C1orf94: variants seen among roughly 807,000 people sequenced by gnomAD.
The protein encoded by C1orf94 is chromosome 1 open reading frame 94, also known as uncharacterized protein C1orf94.
Under a neutral mutation model 53.6 loss-of-function variants are expected in C1orf94, and 45 were observed. The observed-to-expected ratio is 0.84, with a 90% confidence interval of 0.66 to 1.08. The LOEUF is 1.08. Among genes scored for constraint, C1orf94 ranks in the 50% least tolerant of loss-of-function variants. C1orf94 has a pLI of 0.00. For synonymous variants in C1orf94, 304 were observed against 296.1 expected (o/e 1.03, Z -0.27); for missense variants, 762 against 738.9 (o/e 1.03, Z -0.36).
intron 6 of C1orf94, among the ~76,000 whole-genome samples, chr1:34,212,708 A>G (rs1470488227): frequency 6.6e-6 from 1 of 152,184 alleles, no homozygotes; most frequent in Non-Finnish European, 1.5e-5. Flanking sequence ...AGTTGGTGCA[A>G]CGATGCATTT....
At chr1:34,185,664 C>T (rs984029138) in intron 1 of C1orf94, among the ~76,000 whole-genome samples, 6 of 152,212 alleles carry the variant, frequency 3.9e-5, no homozygotes, top group Admixed American at 2.0e-4. Flanking sequence ...CCTCCCTGCT[C>T]GTCTCTCCTC....
Position 34,197,319 on chromosome 1 carries a change from G to A in C1orf94, c.415G>A (p.Glu139Lys), listed in dbSNP as rs2148617601. ...LTKEHSILVE[E>K]SSGELEVPGS... ...CAAAGAGCACTCGATCCTGGTCGAA[G>A]AGAGTTCTGGGGAGCTGGAGGTACC... The change falls in exon 2 of 7, where the codon GAG becomes AAG. Residue 139 changes from glutamate to lysine, a missense_variant. Coordinates refer to ENST00000488417, the MANE Select transcript of C1orf94 (RefSeq NM_001134734.2). The surrounding 1 kb of genome is among the most constrained non-coding windows in gnomAD (Gnocchi z 4.1). 6.4e-7 allele frequency: 1 copy of A among 1,570,830 alleles called. No homozygotes were observed. Among genetic ancestry groups the A allele is most frequent in the South Asian group, 1.2e-5 (1 of 86,612 alleles).
intron 1 of C1orf94, among the ~76,000 whole-genome samples, chr1:34,178,672 C>A (rs1444954363): frequency 1.3e-5 from 2 of 152,206 alleles, no homozygotes; most frequent in Admixed American, 6.5e-5. Context: ...CTGTAAATAG[C>A]CCGTTTCCGG....
At chr1:34,209,961 A>G (rs1642864236) in intron 5 of C1orf94, among the ~76,000 whole-genome samples, 1 of 152,238 alleles carries the variant, frequency 6.6e-6, no homozygotes, top group Non-Finnish European at 1.5e-5. Context: ...GGTTTTTTAC[A>G]TATTTTCCCG....
chr1:34,218,768 T>C lies in C1orf94; in HGVS notation c.*7T>C, dbSNP rs367988719. The stretch of plus-strand genomic sequence containing the variant: ...GAATGGCATAAACTTTTAGATCTCC[T>C]CTTCTCCCTTCTCCTCCCTTAGCCC... On this transcript the variant is annotated 3_prime_UTR_variant, in exon 7 of 7. Coordinates refer to ENST00000488417, the MANE Select transcript of C1orf94 (RefSeq NM_001134734.2). 3 of 1,610,054 alleles carry C rather than the reference T, an allele frequency of 1.9e-6. No homozygotes were observed. The highest frequency in any genetic ancestry group is 2.7e-5 in the African/African-American group (2 of 74,840).
rs141320902 is a variant in C1orf94, at chr1:34,210,594, C to T, written c.1525-1616C>T. ...CTCACAGGGCTTTCTGGAGTTTTAA[C>T]GACAGCATCCATGTGAAGGGCCGGG... On this transcript the variant is annotated intron_variant, in intron 5 of 6. Transcript: ENST00000488417. Among the ~76,000 whole-genome samples, 800 of 152,088 alleles carry T rather than the reference C, an allele frequency of 5.3e-3. 5 individuals are homozygous for T. Among genetic ancestry groups the T allele is most frequent in the African/African-American group, 0.018 (758 of 41,480 alleles).
Position 34,182,174 on chromosome 1 carries a change from G to A in C1orf94, c.320+4065G>A, listed in dbSNP as rs1334135224. ...TGCACTACTGCACTCCAGCCTGGGCGACAGAGTGAGACCCTGTCTCAAAAC... is the reference window on the plus strand; with the variant it reads ...TGCACTACTGCACTCCAGCCTGGGCAACAGAGTGAGACCCTGTCTCAAAAC... On this transcript the variant is annotated intron_variant, in intron 1 of 6. Coordinates refer to ENST00000488417, the MANE Select transcript of C1orf94 (RefSeq NM_001134734.2). 4.6e-5 allele frequency among the ~76,000 whole-genome samples: 7 copies of A among 152,148 alleles called. No individual in the cohort carries two copies. In the South Asian group the frequency reaches 6.2e-4, roughly 14 times the overall value.
chr1:34,214,937 G>C (rs1642958018), intron 6 of C1orf94, among the ~76,000 whole-genome samples: 3 of 152,156 alleles, frequency 2.0e-5, no homozygotes, highest in Non-Finnish European at 2.9e-5. Context: ...GGGATGATCT[G>C]TTCATTCAAA....
At chr1:34,195,809 T>TGC (rs373490551) in intron 1 of C1orf94, among the ~76,000 whole-genome samples, 2 of 150,372 alleles carry the variant, frequency 1.3e-5, no homozygotes, top group African/African-American at 4.9e-5. Context: ...TGTGTGTGTG[T>TGC]GCGTTTGTAC....
chr1:34,209,096 G>T (rs999302523), intron 5 of C1orf94, among the ~76,000 whole-genome samples: 2 of 152,112 alleles, frequency 1.3e-5, no homozygotes, highest in African/African-American at 2.4e-5. Context: ...GTAACTGGGT[G>T]TCCTGTATTT....
At chr1:34,206,064 T>C (rs1011382716) in intron 4 of C1orf94, among the ~76,000 whole-genome samples, 1 of 152,198 alleles carries the variant, frequency 6.6e-6, no homozygotes, top group South Asian at 2.1e-4. Flanking sequence ...CTCCTGAGAA[T>C]CCGCCCTGGG....
Position 34,208,226 on chromosome 1 carries a change from T to A in C1orf94, c.1516T>A (p.Ser506Thr). The change falls in exon 5 of 7, where the codon TCC becomes ACC. Residue 506 changes from serine to threonine, a missense_variant. By Grantham distance (58) the Ser-to-Thr change is moderately conservative. Transcript: ENST00000488417. The part of the protein sequence containing the change: ...QALHPQLGCY[S>T]QQVMPYNPQQ... ...TTTGCACCCGCAGCTGGGATGTTACTCCCAACAGGTGAGTAGACGATCTCT... is the reference window on the plus strand; with the variant it reads ...TTTGCACCCGCAGCTGGGATGTTACACCCAACAGGTGAGTAGACGATCTCT... 1 of 1,613,780 alleles carries A rather than the reference T, an allele frequency of 6.2e-7. No individual in the cohort carries two copies. Among genetic ancestry groups the A allele is most frequent in the East Asian group, 2.2e-5 (1 of 44,864 alleles).
intron 1 of C1orf94, among the ~76,000 whole-genome samples, chr1:34,171,017 C>T (rs115458454): frequency 0.02 from 3,025 of 152,280 alleles, 33 homozygotes; most frequent in Non-Finnish European, 0.03. Flanking sequence ...GCATCTTCCT[C>T]TCTGCCACCA....
chr1:34,177,710 C>T lies in C1orf94; in HGVS notation c.-80C>T, dbSNP rs1273191535. On this transcript the variant is annotated 5_prime_UTR_variant, in exon 1 of 7. Coordinates refer to ENST00000488417, the MANE Select transcript of C1orf94 (RefSeq NM_001134734.2). ...CCACACAAATAGAAGGCCTCTGAACCTAACCACCTTGCTGGAGCGAAAGCC... is the reference window on the plus strand; with the variant it reads ...CCACACAAATAGAAGGCCTCTGAACTTAACCACCTTGCTGGAGCGAAAGCC... 7 of 1,359,596 alleles carry T rather than the reference C, an allele frequency of 5.1e-6. No individual in the cohort carries two copies. In the East Asian group the frequency reaches 1.8e-4, roughly 34 times the overall value. The allele number at this position is 1,359,596 out of a possible 1,614,324, so 84.2% of individuals were successfully genotyped here.
At chr1:34,170,758 C>T (rs1385136507) in intron 1 of C1orf94, among the ~76,000 whole-genome samples, 2 of 149,082 alleles carry the variant, frequency 1.3e-5, no homozygotes, top group Admixed American at 6.6e-5. Context: ...TTCTCCACCC[C>T]AGCCTGCCTC....
At chr1:34,218,185 TG>T (rs1370324515) in intron 6 of C1orf94, among the ~76,000 whole-genome samples, 1 of 152,088 alleles carries the variant, frequency 6.6e-6, no homozygotes, top group Non-Finnish European at 1.5e-5. Flanking sequence ...GAGTCAGGGA[TG>T]GAGTGAAGGG....
At position 34,169,638 on chromosome 1, in the gene C1orf94, A is replaced by C. The variant is rs1054766229; in HGVS notation, c.-251+2467A>C. Reference sequence around the variant, plus strand: ...GAGAGAGAGAGAGAGAGAGAGAGTGAGCAAATGGGAGATTCTAGCAATGCG... The same window carrying C: ...GAGAGAGAGAGAGAGAGAGAGAGTGCGCAAATGGGAGATTCTAGCAATGCG... On this transcript the variant is annotated intron_variant, in intron 1 of 6. Coordinates refer to the C1orf94 transcript ENST00000373374. Among the ~76,000 whole-genome samples the C allele has an allele frequency of 2.7e-5, 4 of 148,454 alleles. No homozygotes were observed. In the South Asian group the frequency reaches 6.5e-4, roughly 24 times the overall value.
At chr1:34,200,503 T>C (rs1275963320) in intron 2 of C1orf94, among the ~76,000 whole-genome samples, 1 of 151,720 alleles carries the variant, frequency 6.6e-6, no homozygotes, top group African/African-American at 2.4e-5. Context: ...AGTAGACGGA[T>C]AGAAGGAAGA....
In C1orf94 at chr1:34,218,671, C is replaced by T; in HGVS notation, c.1722-15C>T. 6.2e-7 allele frequency: 1 copy of T among 1,609,450 alleles called. No individual in the cohort carries two copies. The highest frequency in any genetic ancestry group is 8.5e-7 in the Non-Finnish European group (1 of 1,176,672). Reference sequence around the variant, plus strand: ...TAGGAATCTCATCATGGCATCCACCCTCCCTCTCTTCCAGGTTCGGCTCGA... The same window carrying T: ...TAGGAATCTCATCATGGCATCCACCTTCCCTCTCTTCCAGGTTCGGCTCGA... On this transcript the variant is annotated splice_polypyrimidine_tract_variant and intron_variant, in intron 6 of 6. Transcript: ENST00000488417.
Sources: allele counts gnomAD v4.1 joint callset (sites outside exome capture counted in the v4.1 genomes callset), GRCh38; gene constraint gnomAD v4.1.1; non-coding constraint Gnocchi (gnomAD v3.1); transcripts MANE v1.5; gene names NCBI Gene and HGNC (gene_info 2026-07-23, HGNC 2026-07-21).